Variants in SYT16 observed in about 807,000 individuals in gnomAD.
SYT16 encodes the protein synaptotagmin 16.
SYT16 carries 42 observed loss-of-function variants against 61.4 expected under a neutral mutation model. That is an observed-to-expected ratio of 0.68 (90% CI 0.53 to 0.89). The LOEUF is 0.89. Ranked by LOEUF, SYT16 falls within the 40% of genes least tolerant of loss-of-function variation. The pLI is 0.00. For missense variants in SYT16, 804 were observed against 807.3 expected, an observed-to-expected ratio of 1.00 and a Z score of 0.05; for synonymous variants, 314 against 302.3, an observed-to-expected ratio of 1.04 and a Z score of -0.40.
At chr14:61,832,280 G>A (rs2045963433) in intron 1 of SYT16, 2 of 594,720 alleles carry the variant, frequency 3.4e-6, no homozygotes, top group African/African-American at 1.9e-5. Context: ...CATAGTCATC[G>A]CTCTTCACAA....
At chr14:62,032,126 G>T (rs1284335615) in intron 3 of SYT16, among the ~76,000 whole-genome samples, 1 of 152,104 alleles carries the variant, frequency 6.6e-6, no homozygotes. Flanking sequence ...GACCCAGTAA[G>T]TTGAGTGAAA....
chr14:62,052,630 T>G (rs1442569739), intron 3 of SYT16, among the ~76,000 whole-genome samples: 2 of 152,222 alleles, frequency 1.3e-5, no homozygotes, highest in African/African-American at 4.8e-5. Context: ...AAACACTCAT[T>G]TCTTAAAACC....
chr14:61,940,826 T>C (rs2050179571), intron 1 of SYT16, among the ~76,000 whole-genome samples: 1 of 152,196 alleles, frequency 6.6e-6, no homozygotes, highest in African/African-American at 2.4e-5. Context: ...TCAGACCGGC[T>C]GTTCCTAGAT....
chr14:61,981,096 A>C (rs780693985), intron 2 of SYT16, among the ~76,000 whole-genome samples: 1 of 152,200 alleles, frequency 6.6e-6, no homozygotes, highest in African/African-American at 2.4e-5. Context: ...TTGCGCTTGC[A>C]GTCTGAAGAC....
chr14:61,929,829 C>T (rs2049693475), intron 1 of SYT16, among the ~76,000 whole-genome samples: 1 of 152,118 alleles, frequency 6.6e-6, no homozygotes, highest in Admixed American at 6.5e-5. Flanking sequence ...AAATGTTGCT[C>T]AATTGCCTTT....
At chr14:61,961,931 T>C (rs903482395) in intron 1 of SYT16, among the ~76,000 whole-genome samples, 2 of 152,114 alleles carry the variant, frequency 1.3e-5, no homozygotes, top group African/African-American at 4.8e-5. Flanking sequence ...GAATACTACA[T>C]AGCCATAGAA....
intron 7 of SYT16, among the ~76,000 whole-genome samples, chr14:62,097,711 T>G (rs182639670): frequency 6.6e-6 from 1 of 152,368 alleles, no homozygotes; most frequent in East Asian, 1.9e-4. Flanking sequence ...ACAATCCAAC[T>G]TCAGTGATAG....
chr14:62,085,179 C>A (rs961824569), intron 7 of SYT16, among the ~76,000 whole-genome samples: 2 of 152,150 alleles, frequency 1.3e-5, no homozygotes, highest in Non-Finnish European at 2.9e-5. Flanking sequence ...AGAGATTGAA[C>A]ATTAGAAGCA....
At chr14:62,048,274 A>G (rs1238015496) in intron 3 of SYT16, among the ~76,000 whole-genome samples, 4 of 152,304 alleles carry the variant, frequency 2.6e-5, no homozygotes, top group African/African-American at 4.8e-5. Context: ...GGAGGTGTTT[A>G]TAGTATTCTC....
At chr14:61,880,628 A>T (rs1317099553) in intron 1 of SYT16, among the ~76,000 whole-genome samples, 1 of 152,156 alleles carries the variant, frequency 6.6e-6, no homozygotes, top group Non-Finnish European at 1.5e-5. Context: ...GTTTTTCCTT[A>T]ATATCTTTCA....
chr14:61,932,101 A>G (rs2049795364), intron 1 of SYT16, among the ~76,000 whole-genome samples: 2 of 152,178 alleles, frequency 1.3e-5, no homozygotes. Context: ...AACCAGTTGA[A>G]CACACACTGG....
At chr14:62,073,728 T>C (rs1004824194) in intron 4 of SYT16, among the ~76,000 whole-genome samples, 6 of 151,596 alleles carry the variant, frequency 4.0e-5, no homozygotes, top group African/African-American at 1.4e-4. Context: ...AAAATTTGAA[T>C]GCTTACTATA....
intron 1 of SYT16, among the ~76,000 whole-genome samples, chr14:61,905,972 G>C (rs2048694588): frequency 6.6e-6 from 1 of 152,082 alleles, no homozygotes; most frequent in Non-Finnish European, 1.5e-5. Context: ...GGCCAGGATG[G>C]TCTTGAGCTC....
chr14:62,083,162 G>T (rs1208730662), intron 6 of SYT16, among the ~76,000 whole-genome samples: 2 of 148,142 alleles, frequency 1.4e-5, no homozygotes, highest in African/African-American at 5.0e-5. Flanking sequence ...GGTGGGGGGC[G>T]CTCTGCAGAA....
At chr14:62,050,243 C>G (rs2055209901) in intron 3 of SYT16, among the ~76,000 whole-genome samples, 1 of 152,172 alleles carries the variant, frequency 6.6e-6, no homozygotes, top group Non-Finnish European at 1.5e-5. Flanking sequence ...TGCTGATACC[C>G]TTTCTTCCAG....
intron 1 of SYT16, among the ~76,000 whole-genome samples, chr14:61,957,536 G>A (rs1409989104): frequency 6.6e-6 from 1 of 151,912 alleles, no homozygotes; most frequent in African/African-American, 2.4e-5. Context: ...TTTGTCAGAT[G>A]CTTTTTCTGC....
At chr14:62,080,748 G>T in intron 5 of SYT16, 86 bp from the exon 6 acceptor site, 1 of 1,351,376 alleles carries the variant, frequency 7.4e-7, no homozygotes, top group Non-Finnish European at 1.0e-6. Context: ...CAGGGATTCT[G>T]AAGGAGCACA....
intron 1 of SYT16, among the ~76,000 whole-genome samples, chr14:61,859,984 TGACA>T (rs900626889): frequency 7.9e-5 from 12 of 152,198 alleles, no homozygotes; most frequent in Non-Finnish European, 4.4e-5. Context: ...CCTAAATAGA[TGACA>T]GACCTTGTCC....
At chr14:61,929,032 A>G (rs970616284) in intron 1 of SYT16, among the ~76,000 whole-genome samples, 1 of 152,204 alleles carries the variant, frequency 6.6e-6, no homozygotes, top group Admixed American at 6.5e-5. Context: ...CCTCATGCTA[A>G]ACACATTTCT....
Sources: gnomAD v4.1 joint callset for allele counts (sites outside exome capture counted in the v4.1 genomes callset) on GRCh38, gnomAD v4.1.1 for gene constraint, MANE v1.5 for transcripts, NCBI Gene and HGNC (gene_info 2026-07-23, HGNC 2026-07-21) for gene names.